Variants in DGKB observed in about 807,000 individuals in gnomAD.
DGKB encodes 90 kDa diacylglycerol kinase.
DGKB carries 67 observed loss-of-function variants against 114.3 expected under a neutral mutation model. The observed-to-expected ratio is 0.59, with a 90% CI of 0.48 to 0.72. The LOEUF (loss-of-function observed/expected upper bound fraction) is 0.72, where lower values mean the gene tolerates loss of function less well. DGKB is among the 30% of genes least tolerant of loss of function. DGKB has a pLI of 0.00. For synonymous variants in DGKB, 398 were observed against 323.1 expected (o/e 1.23, Z -2.49); for missense variants, 907 against 975.2 (o/e 0.93, Z 0.93).
rs1339347262 is a variant in DGKB, at chr7:14,305,182, ATTG to A, written c.2122+33330_2122+33332del. On this transcript the variant is annotated intron_variant, in intron 23 of 25. Coordinates refer to ENST00000402815, the MANE Select transcript of DGKB (RefSeq NM_001350709.2). ...GTGATTTTGAAATATATGATAAATT[ATTG>A]TTAACTCTAGTCACCCTACTGTGCT... Among the ~76,000 whole-genome samples the A allele has an allele frequency of 2.6e-5, 4 of 152,142 alleles. No homozygotes were observed. The East Asian group carries it at 7.7e-4, about 29-fold the overall frequency.
At position 14,387,367 on chromosome 7, in the gene DGKB, G is replaced by A. The variant is rs990028405; in HGVS notation, c.1836-41976C>T. On this transcript the variant is annotated intron_variant, in intron 21 of 25. Coordinates refer to ENST00000402815, the MANE Select transcript of DGKB (RefSeq NM_001350709.2). ...GTCGGAGGCTGCAGTCAGCTGAGACGGCACCATTGCACTCCAGCCTTGTGA... is the reference window on the plus strand; with the variant it reads ...GTCGGAGGCTGCAGTCAGCTGAGACAGCACCATTGCACTCCAGCCTTGTGA... Among the ~76,000 whole-genome samples the A allele has an allele frequency of 3.4e-5, 5 of 146,974 alleles. No homozygotes were observed. The South Asian group carries it at 6.5e-4, about 19-fold the overall frequency.
intron 9 of DGKB, among the ~76,000 whole-genome samples, chr7:14,693,526 C>T (rs1209673064): frequency 6.6e-6 from 1 of 151,440 alleles, no homozygotes; most frequent in Non-Finnish European, 1.5e-5. Context: ...CCTGCTGATA[C>T]AGGAAAAACT....
chr7:14,369,702 G>T (rs1817303948), intron 21 of DGKB, among the ~76,000 whole-genome samples: 1 of 152,166 alleles, frequency 6.6e-6, no homozygotes, highest in Non-Finnish European at 1.5e-5. Context: ...ATGTTTGTTG[G>T]CCACATAAAT....
Position 14,802,908 on chromosome 7 carries a change from G to A in DGKB, c.70+38286C>T, listed in dbSNP as rs140645092. On this transcript the variant is annotated intron_variant, in intron 2 of 25. Coordinates refer to ENST00000402815, the MANE Select transcript of DGKB (RefSeq NM_001350709.2). ...TATTTTTCTAATATTTACATAAATGGTTATAAAAGTTTTCAAAAACTTATC... is the reference window on the plus strand; with the variant it reads ...TATTTTTCTAATATTTACATAAATGATTATAAAAGTTTTCAAAAACTTATC... 4.2e-3 allele frequency among the ~76,000 whole-genome samples: 635 copies of A among 151,884 alleles called. 7 individuals carry two copies. Among genetic ancestry groups the A allele is most frequent in the Middle Eastern group, 0.014 (4 of 294 alleles).
At chr7:14,605,593 T>A (rs1482907392) in intron 17 of DGKB, among the ~76,000 whole-genome samples, 1 of 151,806 alleles carries the variant, frequency 6.6e-6, no homozygotes, top group Non-Finnish European at 1.5e-5. Flanking sequence ...TACATTACTT[T>A]CATTTTTTAA....
At chr7:14,234,388 AAAC>A (rs1792430743) in intron 23 of DGKB, among the ~76,000 whole-genome samples, 1 of 152,072 alleles carries the variant, frequency 6.6e-6, no homozygotes, top group African/African-American at 2.4e-5. Flanking sequence ...TATGGTTCTT[AAAC>A]TACTTGAATG....
chr7:14,547,853 G>A (rs1794532849), intron 20 of DGKB, among the ~76,000 whole-genome samples: 1 of 152,120 alleles, frequency 6.6e-6, no homozygotes, highest in Non-Finnish European at 1.5e-5. Context: ...AATCATTCAT[G>A]TCAGACAGAG....
intron 23 of DGKB, among the ~76,000 whole-genome samples, chr7:14,228,834 T>C (rs1791250865): frequency 6.6e-6 from 1 of 151,646 alleles, no homozygotes; most frequent in South Asian, 2.1e-4. Flanking sequence ...ATTAGTTCTG[T>C]CATCACCAAA....
chr7:14,168,297 C>T (rs1274232960), intron 25 of DGKB, among the ~76,000 whole-genome samples: 1 of 152,060 alleles, frequency 6.6e-6, no homozygotes, highest in Non-Finnish European at 1.5e-5. Context: ...AAAAAGTGAA[C>T]AGACTCAAAG....
upstream of DGKB, among the ~76,000 whole-genome samples, chr7:14,904,429 T>A (rs907593303): frequency 5.3e-5 from 8 of 152,094 alleles, no homozygotes; most frequent in African/African-American, 1.9e-4. Flanking sequence ...CAGGGTTAAA[T>A]TAAACAGAGG....
chr7:14,446,727 G>C (rs1160471649), intron 21 of DGKB, among the ~76,000 whole-genome samples: 2 of 152,054 alleles, frequency 1.3e-5, no homozygotes, highest in Non-Finnish European at 2.9e-5. Flanking sequence ...CTGTCAAAAA[G>C]ACTTTTGTCC....
intron 2 of DGKB, among the ~76,000 whole-genome samples, chr7:14,796,687 T>TGAA (rs547143057): frequency 2.1e-3 from 301 of 141,020 alleles, no homozygotes; most frequent in Middle Eastern, 7.6e-3. Flanking sequence ...TTCTAGAAAG[T>TGAA]AAAAAAAAAA....
At chr7:14,166,765 T>C (rs1439609791) in intron 25 of DGKB, among the ~76,000 whole-genome samples, 1 of 152,152 alleles carries the variant, frequency 6.6e-6, no homozygotes, top group Admixed American at 6.5e-5. Context: ...TTTTCTCTAC[T>C]CTTGCACCTC....
chr7:14,879,160 A>C (rs1853828850), intron 1 of DGKB, among the ~76,000 whole-genome samples: 1 of 151,968 alleles, frequency 6.6e-6, no homozygotes, highest in African/African-American at 2.4e-5. Flanking sequence ...AGATTAAGGT[A>C]AAGTAGTTCT....
chr7:14,790,207 A>G (rs563758861), intron 2 of DGKB, among the ~76,000 whole-genome samples: 78 of 152,136 alleles, frequency 5.1e-4, no homozygotes, highest in Non-Finnish European at 9.3e-4. Flanking sequence ...TGTGATTTAT[A>G]TGTGTTTTCC....
intron 23 of DGKB, among the ~76,000 whole-genome samples, chr7:14,200,353 C>T (rs1785661357): frequency 6.6e-6 from 1 of 151,980 alleles, no homozygotes; most frequent in Non-Finnish European, 1.5e-5. Flanking sequence ...TGCACTTTGG[C>T]TACCTCATTA....
At chr7:14,723,660 G>A (rs1829594459) in intron 5 of DGKB, among the ~76,000 whole-genome samples, 1 of 151,670 alleles carries the variant, frequency 6.6e-6, no homozygotes, top group African/African-American at 2.4e-5. Flanking sequence ...AGTAAGCATT[G>A]TAATTAGAGC....
chr7:14,327,719 A>G (rs1448365346), intron 23 of DGKB, among the ~76,000 whole-genome samples: 1 of 152,142 alleles, frequency 6.6e-6, no homozygotes, highest in Admixed American at 6.6e-5. Flanking sequence ...AGACATTCTG[A>G]TACTGCACTC....
intron 1 of DGKB, among the ~76,000 whole-genome samples, chr7:14,873,325 A>C (rs1326604764): frequency 6.6e-6 from 1 of 152,110 alleles, no homozygotes; most frequent in Admixed American, 6.6e-5. Context: ...TAAAAGACAA[A>C]TAGGCATTTT....
Sources: gnomAD v4.1 joint callset for allele counts (sites outside exome capture counted in the v4.1 genomes callset) on GRCh38, gnomAD v4.1.1 for gene constraint, MANE v1.5 for transcripts, NCBI Gene and HGNC (gene_info 2026-07-23, HGNC 2026-07-21) for gene names.